The following DOCK2 variants were observed in gnomAD, a reference collection of about 807,000 sequenced individuals.
The protein encoded by DOCK2 is dedicator of cytokinesis 2.
DOCK2 carries 87 observed loss-of-function variants against 248.9 expected under a neutral mutation model. The observed-to-expected ratio is 0.35, with a 90% CI of 0.29 to 0.42. The LOEUF is 0.42. Ranked by LOEUF, DOCK2 falls within the 10% of genes least tolerant of loss-of-function variation. The pLI, the probability that DOCK2 is intolerant of heterozygous loss-of-function variation, is 1.00. For missense variants in DOCK2, 1,747 were observed against 2,300.2 expected (o/e 0.76, Z 4.92); for synonymous variants, 805 against 821.6 (o/e 0.98, Z 0.35).
chr5:170,077,755 C>T lies in DOCK2; in HGVS notation c.4912C>T (p.Arg1638Cys), dbSNP rs771330901. 30 of 1,613,810 alleles carry T rather than the reference C, an allele frequency of 1.9e-5. No individual in the cohort carries two copies. Among genetic ancestry groups the T allele is most frequent in the African/African-American group, 6.7e-5 (5 of 74,882 alleles). The change falls in exon 48 of 52, where the codon CGC becomes TGC. Residue 1638 changes from arginine (R) to cysteine (C), a missense_variant. Around this residue, in one of 4 missense-constraint regions of DOCK2, gnomAD observed 513 missense variants for 586.1 expected, o/e 0.88. Transcript: ENST00000520908. ...AGTGGGCCGTCCCAGGTCTATGCTG[C>T]GCTCATACAGACAGATGTCCATCAT... ...RRVGRPRSMLRSYRQMSIISL... is the reference protein window; with the variant it reads ...RRVGRPRSMLCSYRQMSIISL...
Position 169,761,544 on chromosome 5 carries a change from T to C in DOCK2, c.2473T>C (p.Cys825Arg), listed in dbSNP as rs1764490226. The change falls in exon 25 of 52, where the codon TGC becomes CGC. Residue 825 changes from cysteine (C) to arginine (R), a missense_variant. By Grantham distance (180) the Cys-to-Arg change is radical. Coordinates refer to ENST00000520908, the MANE Select transcript of DOCK2 (RefSeq NM_004946.3). The stretch of plus-strand genomic sequence containing the variant: ...CCAACTCCTGTATGAGTTCTACACC[T>C]GCATCCCTCCTGTGAAACTCCAGAA... ...LSQLLYEFYTCIPPVKLQKQK... is the reference protein window; with the variant it reads ...LSQLLYEFYTRIPPVKLQKQK... 6.2e-7 allele frequency: 1 copy of C among 1,613,964 alleles called. No homozygotes were observed. The highest frequency in any genetic ancestry group is 8.5e-7 in the Non-Finnish European group (1 of 1,179,946).
chr5:169,773,420 A>G (rs1257167125), intron 25 of DOCK2, among the ~76,000 whole-genome samples: 1 of 151,672 alleles, frequency 6.6e-6, no homozygotes, highest in East Asian at 1.9e-4. Context: ...CTTCTTTAAT[A>G]GCAATGTAAA....
At chr5:169,699,497 G>T (rs1320570555) in intron 12 of DOCK2, 39 bp downstream of exon 12, 21 of 1,584,200 alleles carry the variant, frequency 1.3e-5, no homozygotes, top group Non-Finnish European at 1.8e-5. Context: ...GCCTGCTCCA[G>T]CTTGGGAGCC....
intron 22 of DOCK2, among the ~76,000 whole-genome samples, chr5:169,741,090 G>C (rs1365041681): frequency 6.6e-6 from 1 of 152,170 alleles, no homozygotes; most frequent in East Asian, 1.9e-4. Flanking sequence ...CTCCCAAAGT[G>C]TTGGGATTAT....
chr5:169,677,053 G>T (rs565136084), intron 6 of DOCK2, among the ~76,000 whole-genome samples: 11 of 152,284 alleles, frequency 7.2e-5, no homozygotes, highest in African/African-American at 2.6e-4. Flanking sequence ...GGAAAGTGAG[G>T]CTCAAGAGTG....
chr5:169,862,850 G>C (rs1771291369), intron 27 of DOCK2, among the ~76,000 whole-genome samples: 1 of 152,210 alleles, frequency 6.6e-6, no homozygotes, highest in African/African-American at 2.4e-5. Flanking sequence ...GAACACACAG[G>C]ATTCTGTGCT....
intron 28 of DOCK2, among the ~76,000 whole-genome samples, chr5:169,983,748 T>C (rs1449060230): frequency 6.6e-6 from 1 of 152,156 alleles, no homozygotes; most frequent in Admixed American, 6.5e-5. Context: ...CTCTGTCTTG[T>C]TGCTACCAGG....
At chr5:169,670,421 G>A in intron 3 of DOCK2, 121 bp from the exon 4 acceptor site, 1 of 1,144,140 alleles carries the variant, frequency 8.7e-7, no homozygotes, top group Non-Finnish European at 1.2e-6. Context: ...TTCCTTTAAA[G>A]TCTGGGGATT....
rs777063242 is a variant in DOCK2, at chr5:169,761,542, C to G, written c.2471C>G (p.Thr824Ser). Residue 824 changes from threonine (T) to serine (S), a missense_variant, in exon 25 of 52, where the codon ACC (threonine) becomes AGC (serine). Around this residue, in one of 4 missense-constraint regions of DOCK2, gnomAD observed 858 missense variants for 1,183.5 expected, o/e 0.72. Coordinates refer to ENST00000520908, the MANE Select transcript of DOCK2 (RefSeq NM_004946.3). Reference sequence around the variant, plus strand: ...AGCCAACTCCTGTATGAGTTCTACACCTGCATCCCTCCTGTGAAACTCCAG... The same window carrying G: ...AGCCAACTCCTGTATGAGTTCTACAGCTGCATCCCTCCTGTGAAACTCCAG... ...LLSQLLYEFYTCIPPVKLQKQ... is the reference protein window; with the variant it reads ...LLSQLLYEFYSCIPPVKLQKQ... 1.9e-6 allele frequency: 3 copies of G among 1,613,992 alleles called. No individual in the cohort carries two copies. Among genetic ancestry groups the G allele is most frequent in the Non-Finnish European group, 2.5e-6 (3 of 1,179,968 alleles).
At chr5:169,707,971 T>C (rs1304418753) in intron 14 of DOCK2, among the ~76,000 whole-genome samples, 198 bp from the exon 15 acceptor site, 1 of 152,208 alleles carries the variant, frequency 6.6e-6, no homozygotes, top group Non-Finnish European at 1.5e-5. Flanking sequence ...GTTAAGTGCC[T>C]GTCAGTCCTG....
chr5:169,933,708 T>A (rs769819369), intron 27 of DOCK2, among the ~76,000 whole-genome samples: 2 of 152,140 alleles, frequency 1.3e-5, no homozygotes, highest in Non-Finnish European at 2.9e-5. Flanking sequence ...GTATCAGCCT[T>A]CAAGCAGTTT....
intron 27 of DOCK2, among the ~76,000 whole-genome samples, chr5:169,896,163 C>T (rs1238564265): frequency 6.6e-6 from 1 of 151,396 alleles, no homozygotes; most frequent in African/African-American, 2.4e-5. Flanking sequence ...AGCCAGAAAC[C>T]GTTGCTCCTG....
chr5:169,698,897 C>T (rs377289463), intron 11 of DOCK2, among the ~76,000 whole-genome samples: 17 of 152,236 alleles, frequency 1.1e-4, no homozygotes, highest in South Asian at 4.2e-4. Context: ...CATGGATAGA[C>T]GTATCCATGA....
chr5:169,689,436 C>A, intron 9 of DOCK2, 103 bp downstream of exon 9: 1 of 1,226,296 alleles, frequency 8.2e-7, no homozygotes, highest in Non-Finnish European at 1.2e-6. Context: ...GGCTGTCCTG[C>A]AGAGCTGTGT....
chr5:169,747,596 C>A, intron 23 of DOCK2, 92 bp downstream of exon 23: 7 of 1,160,728 alleles, frequency 6.0e-6, no homozygotes, highest in Non-Finnish European at 7.3e-6. Context: ...CTTAAATATG[C>A]AAACTTGTAT....
In DOCK2 at chr5:169,718,733, C is replaced by A; in HGVS notation, c.2209C>A (p.Leu737Met). ...GCAATGTGAGCCAATCCTAAGAACG[C>A]TGAAGGCTTTGGAATATGTGTTCAA... ...GEQCEPILRT[L>M]KALEYVFKFI... Residue 737 changes from leucine (L) to methionine (M), a missense_variant, in exon 22 of 52, where the codon CTG becomes ATG. By Grantham distance (15) the Leu-to-Met change is conservative (BLOSUM62 2). Around this residue, in one of 4 missense-constraint regions of DOCK2, gnomAD observed 858 missense variants for 1,183.5 expected, o/e 0.72. Transcript: ENST00000520908. 2 of 1,613,952 alleles carry A rather than the reference C, an allele frequency of 1.2e-6. No individual in the cohort carries two copies.
At chr5:170,018,056 G>A (rs1173235369) in intron 32 of DOCK2, among the ~76,000 whole-genome samples, 1 of 152,208 alleles carries the variant, frequency 6.6e-6, no homozygotes, top group Non-Finnish European at 1.5e-5. Flanking sequence ...AACAGACATG[G>A]TCTCTAGTGG....
intron 23 of DOCK2, among the ~76,000 whole-genome samples, chr5:169,757,845 A>G (rs10076580): frequency 0.15 from 23,218 of 152,180 alleles, 2,637 homozygotes; most frequent in Admixed American, 0.31. Flanking sequence ...AGCCACCAAA[A>G]AGTTGCAAAT....
chr5:170,045,614 A>T (rs942446856), intron 38 of DOCK2, among the ~76,000 whole-genome samples: 1 of 152,194 alleles, frequency 6.6e-6, no homozygotes, highest in Non-Finnish European at 1.5e-5. Flanking sequence ...TCAATTGTTT[A>T]TCAAGAAACT....
Sources: gnomAD v4.1 joint callset for allele counts (sites outside exome capture counted in the v4.1 genomes callset) on GRCh38, gnomAD v4.1.1 for gene constraint, gnomAD v4.1.1 regional missense constraint, MANE v1.5 for transcripts, NCBI Gene and HGNC (gene_info 2026-07-23, HGNC 2026-07-21) for gene names.